The following XKR6 variants were observed in gnomAD, a reference collection of about 807,000 sequenced individuals.
XKR6 encodes XK related 6.
XKR6 carries 22 observed loss-of-function variants against 56.7 expected under a neutral mutation model. The ratio of observed to expected loss-of-function variants is 0.39; its 90% confidence interval spans 0.28 to 0.55. XKR6 has a LOEUF of 0.55. Ranked by LOEUF, XKR6 falls within the 20% of genes least tolerant of loss-of-function variation. XKR6 has a pLI of 0.66. For synonymous variants in XKR6, 524 were observed against 387.8 expected (o/e 1.35, Z -4.13); for missense variants, 852 against 889.0 (o/e 0.96, Z 0.53).
At chr8:11,111,114 A>G (rs1379590169) in intron 1 of XKR6, among the ~76,000 whole-genome samples, 2 of 150,040 alleles carry the variant, frequency 1.3e-5, no homozygotes, top group Non-Finnish European at 2.9e-5. Flanking sequence ...TCGGCCTCCC[A>G]AAGTGCTGGC....
chr8:11,059,641 C>A (rs1799779636), intron 1 of XKR6, among the ~76,000 whole-genome samples: 1 of 142,794 alleles, frequency 7.0e-6, no homozygotes, highest in African/African-American at 2.8e-5. Flanking sequence ...CGGGGCGGGG[C>A]GGGACAGGTG....
chr8:11,200,995 C>T lies in XKR6; in HGVS notation c.345G>A (p.Pro115=). The T allele has an allele frequency of 2.1e-6, 3 of 1,446,306 alleles. No homozygotes were observed. The highest frequency in any genetic ancestry group is 2.7e-6 in the Non-Finnish European group (3 of 1,098,728). 89.6% of individuals were successfully genotyped at this position (1,446,306 alleles called of 1,614,324 possible). ...RQPPTPSAAR[P]EPPPPQVERP... ...GCTCCACCTGCGGCGGCGGCGGCTC[C>T]GGCCGCGCGGCCGAGGGCGTCGGGG... The change falls in exon 1 of 3, where the codon CCG becomes CCA. Residue 115 remains proline (P), a synonymous_variant. Coordinates refer to ENST00000416569, the MANE Select transcript of XKR6 (RefSeq NM_173683.4). The surrounding 1 kb of genome is among the most constrained non-coding windows in gnomAD (Gnocchi z 6.4).
At chr8:11,076,945 G>T (rs998768704) in intron 1 of XKR6, among the ~76,000 whole-genome samples, 1 of 152,222 alleles carries the variant, frequency 6.6e-6, no homozygotes, top group African/African-American at 2.4e-5. Context: ...GGAGGCTGAG[G>T]CATGAGGATT....
rs1251018408 is a variant in XKR6, at chr8:11,200,632, G to A, written c.708C>T (p.Leu236=). The change falls in exon 1 of 3, where the codon CTC becomes CTT. Residue 236 remains leucine, a synonymous_variant. Transcript: ENST00000416569. The surrounding 1 kb of genome is among the most constrained non-coding windows in gnomAD (Gnocchi z 6.4). The part of the protein sequence containing the change: ...PTPGAQRLCR[L]SVWIWQSVIH... ...TGACCGACTGCCAGATCCACACGGA[G>A]AGGCGACACAGGCGCTGCGCCCCCG... is the stretch of plus-strand genomic sequence containing the variant. 3.2e-6 allele frequency: 5 copies of A among 1,552,420 alleles called. No homozygotes were observed. The highest frequency in any genetic ancestry group is 1.7e-4 in the Middle Eastern group (1 of 5,822).
chr8:10,945,049 G>A lies in XKR6; in HGVS notation c.765-20219C>T, dbSNP rs140565007. On this transcript the variant is annotated intron_variant, in intron 1 of 2. Coordinates refer to ENST00000416569, the MANE Select transcript of XKR6 (RefSeq NM_173683.4). Reference sequence around the variant, plus strand: ...AGGGTCAAGCTCGAGGGTGACTTCTGTAAACATCCCAGGGCTCGGGAGAGC... The same window carrying A: ...AGGGTCAAGCTCGAGGGTGACTTCTATAAACATCCCAGGGCTCGGGAGAGC... Among the ~76,000 whole-genome samples, 47 of 152,286 alleles carry A rather than the reference G, an allele frequency of 3.1e-4. No individual in the cohort carries two copies. The East Asian group carries it at 9.1e-3, about 29-fold the overall frequency.
intron 1 of XKR6, among the ~76,000 whole-genome samples, chr8:11,134,743 G>C (rs1036863054): frequency 6.6e-6 from 1 of 151,580 alleles, no homozygotes; most frequent in Admixed American, 6.6e-5. Context: ...ACCTACCAGC[G>C]AAATAATCAT....
chr8:11,010,461 G>A (rs1190928890), intron 1 of XKR6, among the ~76,000 whole-genome samples: 1 of 152,136 alleles, frequency 6.6e-6, no homozygotes, highest in African/African-American at 2.4e-5. Context: ...TTTATAAAAT[G>A]AGACAACAGT....
intron 1 of XKR6, among the ~76,000 whole-genome samples, chr8:11,045,139 T>G (rs1397172479): frequency 8.1e-6 from 1 of 123,472 alleles, no homozygotes; most frequent in Non-Finnish European, 1.6e-5. Flanking sequence ...CAGGCCGGAG[T>G]GCAGTGGCAC....
chr8:11,116,483 G>A (rs906683414), intron 1 of XKR6, among the ~76,000 whole-genome samples: 5 of 152,254 alleles, frequency 3.3e-5, no homozygotes, highest in Middle Eastern at 6.8e-3. Flanking sequence ...CGATTCTCCT[G>A]CCTTAGCCTC....
intron 1 of XKR6, among the ~76,000 whole-genome samples, chr8:11,070,781 G>T (rs1800094622): frequency 6.6e-6 from 1 of 152,206 alleles, no homozygotes; most frequent in Non-Finnish European, 1.5e-5. Context: ...TAGAGATCGT[G>T]AATCAATAAT....
At chr8:11,088,316 C>T (rs778952970) in intron 1 of XKR6, among the ~76,000 whole-genome samples, 1 of 152,184 alleles carries the variant, frequency 6.6e-6, no homozygotes, top group South Asian at 2.1e-4. Flanking sequence ...GACCCAGATC[C>T]CCTTATGGTC....
rs2129144042 is a variant in XKR6 at position 11,004,647 on chromosome 8, T to C, written c.765-79817A>G. Among the ~76,000 whole-genome samples, 2 of 152,308 alleles carry C rather than the reference T, an allele frequency of 1.3e-5. 1 individual carries two copies. The highest frequency in any genetic ancestry group is 4.2e-4 in the South Asian group (2 of 4,814). Reference sequence around the variant, plus strand: ...CATCCACAGTGGAACCCTCTGCAGTTATTAAAAATTATATCTATGAGCCAG... The same window carrying C: ...CATCCACAGTGGAACCCTCTGCAGTCATTAAAAATTATATCTATGAGCCAG... On this transcript the variant is annotated intron_variant, in intron 1 of 2. Transcript: ENST00000416569.
At chr8:10,944,403 C>A (rs1586335819) in intron 1 of XKR6, among the ~76,000 whole-genome samples, 1 of 152,324 alleles carries the variant, frequency 6.6e-6, no homozygotes, top group Non-Finnish European at 1.5e-5. Flanking sequence ...CAGAAACAAG[C>A]CTGTCAGATG....
Position 10,911,967 on chromosome 8 carries a change from C to G in XKR6, c.961+12667G>C, listed in dbSNP as rs192536359. ...TGTAGAGAGAGAGGTTGAGTTTACA[C>G]ATATATATGGAGAAAGAGAGAGAAT... On this transcript the variant is annotated intron_variant, in intron 2 of 2. Coordinates refer to ENST00000416569, the MANE Select transcript of XKR6 (RefSeq NM_173683.4). 4.3e-4 allele frequency among the ~76,000 whole-genome samples: 61 copies of G among 142,678 alleles called. No homozygotes were observed. In the East Asian group the frequency reaches 0.012, roughly 28 times the overall value. 93.6% of individuals were successfully genotyped at this position (142,678 alleles called of 152,430 possible).
chr8:10,919,422 A>C (rs1334328482), intron 2 of XKR6, among the ~76,000 whole-genome samples: 1 of 152,200 alleles, frequency 6.6e-6, no homozygotes, highest in Non-Finnish European at 1.5e-5. Flanking sequence ...CCCAGACAGA[A>C]TGGGAAATTC....
At chr8:10,982,311 G>A (rs900772879) in intron 1 of XKR6, among the ~76,000 whole-genome samples, 1 of 152,220 alleles carries the variant, frequency 6.6e-6, no homozygotes, top group African/African-American at 2.4e-5. Flanking sequence ...CAAGAAAGAA[G>A]GAAGTCCGAA....
At chr8:11,047,006 G>T (rs1325274597) in intron 1 of XKR6, among the ~76,000 whole-genome samples, 1 of 151,802 alleles carries the variant, frequency 6.6e-6, no homozygotes, top group Admixed American at 6.5e-5. Flanking sequence ...AAGGGAAATG[G>T]GGGGCGGGTG....
At chr8:11,027,802 C>T (rs1008146557) in intron 1 of XKR6, among the ~76,000 whole-genome samples, 18 of 152,174 alleles carry the variant, frequency 1.2e-4, no homozygotes, top group South Asian at 4.1e-4. Flanking sequence ...TTGTATCACA[C>T]GTCTTAAAAA....
chr8:11,030,163 C>T (rs1270175693), intron 1 of XKR6, among the ~76,000 whole-genome samples: 2 of 152,218 alleles, frequency 1.3e-5, no homozygotes, highest in African/African-American at 4.8e-5. Flanking sequence ...CACCCCCTCT[C>T]TGTTGCCTGC....
Sources: allele counts gnomAD v4.1 joint callset (sites outside exome capture counted in the v4.1 genomes callset), GRCh38; gene constraint gnomAD v4.1.1; non-coding constraint Gnocchi (gnomAD v3.1); transcripts MANE v1.5; gene names NCBI Gene and HGNC (gene_info 2026-07-23, HGNC 2026-07-21).